The following TKT variants were observed in gnomAD, a reference collection of about 807,000 sequenced individuals.
The protein encoded by TKT is epididymis luminal protein 107.
Under a neutral mutation model 63.9 loss-of-function variants are expected in TKT, and 47 were observed. The observed-to-expected ratio is 0.74, with a 90% CI of 0.58 to 0.94. The LOEUF is 0.94. Ranked by LOEUF, TKT falls within the 40% of genes least tolerant of loss-of-function variation. The pLI is 0.00. For synonymous variants in TKT, 338 were observed against 334.1 expected (o/e 1.01, Z -0.13); for missense variants, 721 against 846.2 (o/e 0.85, Z 1.84).
chr3:53,231,590 C>T (rs1472526691), intron 6 of TKT, 40 bp from the exon 7 acceptor site: 2 of 1,576,154 alleles, frequency 1.3e-6, no homozygotes, highest in Middle Eastern at 1.7e-4. Context: ...ATGGGTAAGA[C>T]AGAAGCTCCC....
chr3:53,243,865 G>A (rs1705392822), intron 1 of TKT, among the ~76,000 whole-genome samples: 1 of 152,238 alleles, frequency 6.6e-6, no homozygotes, highest in African/African-American at 2.4e-5. Context: ...TCCTTGGTGG[G>A]AGAAGGATGT....
At chr3:53,232,196 C>T (rs962973082) in intron 6 of TKT, 18 of 397,026 alleles carry the variant, frequency 4.5e-5, no homozygotes, top group African/African-American at 1.9e-4. Context: ...CCCAGCAGCC[C>T]GAAAGACTAG....
chr3:53,232,876 CCTCA>C (rs1553677487), intron 6 of TKT: 8 of 430,248 alleles, frequency 1.9e-5, no homozygotes, highest in Non-Finnish European at 3.3e-5. Context: ...ACGGGGGCTG[CCTCA>C]CTCCACGACC....
At chr3:53,255,678 G>C (rs1027876035) in intron 1 of TKT, among the ~76,000 whole-genome samples, 158 bp downstream of exon 1, 2 of 152,018 alleles carry the variant, frequency 1.3e-5, no homozygotes, top group East Asian at 1.9e-4. Flanking sequence ...GCAGCCCGGG[G>C]CCCTGCGAGG....
intron 7 of TKT, among the ~76,000 whole-genome samples, chr3:53,231,080 A>T (rs1553676904): frequency 6.6e-6 from 1 of 152,182 alleles, no homozygotes; most frequent in Non-Finnish European, 1.5e-5. Flanking sequence ...CGATGCAAGA[A>T]CTTGGGAGTG....
rs1444040046 is a variant in TKT, at chr3:53,225,700, A to C, written c.*56T>G. On this transcript the variant is annotated 3_prime_UTR_variant, in exon 14 of 14. Transcript: ENST00000462138. Reference sequence around the variant, plus strand: ...CCCTCCTCTCAGTACATCTTTGAGCACCTTTCCCAGAATCTCAGGAATGTA... The same window carrying C: ...CCCTCCTCTCAGTACATCTTTGAGCCCCTTTCCCAGAATCTCAGGAATGTA... 2 of 1,510,484 alleles carry C rather than the reference A, an allele frequency of 1.3e-6. No homozygotes were observed. The highest frequency in any genetic ancestry group is 1.8e-6 in the Non-Finnish European group (2 of 1,117,738). 93.6% of individuals were successfully genotyped at this position (1,510,484 alleles called of 1,614,324 possible). A position where few individuals can be genotyped will look rare whatever the true frequency, so the allele number is the denominator to read the frequency against.
At chr3:53,255,734 T>C (rs1705962378) in intron 1 of TKT, 102 bp downstream of exon 1, 3 of 755,140 alleles carry the variant, frequency 4.0e-6, no homozygotes, top group Non-Finnish European at 5.4e-6. Flanking sequence ...CTTCCTCGTC[T>C]AGGCATCTCG....
intron 1 of TKT, among the ~76,000 whole-genome samples, chr3:53,253,632 C>T (rs891609711): frequency 2.6e-5 from 4 of 152,166 alleles, no homozygotes; most frequent in South Asian, 2.1e-4. Context: ...GGTGCGGTGG[C>T]GGATGCCTGT....
intron 1 of TKT, among the ~76,000 whole-genome samples, chr3:53,245,251 A>G (rs1486156118): frequency 6.7e-6 from 1 of 149,950 alleles, no homozygotes; most frequent in African/African-American, 2.5e-5. Context: ...GGTTGCAGTG[A>G]GCCAAGATTG....
chr3:53,241,048 T>C, intron 3 of TKT, 84 bp downstream of exon 3: 1 of 1,224,876 alleles, frequency 8.2e-7, no homozygotes, highest in Non-Finnish European at 1.1e-6. Context: ...GGCTTCTCAG[T>C]GGGCACCCCC....
intron 7 of TKT, 150 bp from the exon 8 acceptor site, chr3:53,230,771 A>T: frequency 2.1e-6 from 2 of 964,144 alleles, no homozygotes; most frequent in South Asian, 3.4e-5. Context: ...TAACTGCTGA[A>T]AGGTTGCCAA....
chr3:53,228,043 C>G lies in TKT; in HGVS notation c.1573+13G>C. On this transcript the variant is annotated intron_variant, in intron 12 of 13. Coordinates refer to ENST00000462138, the MANE Select transcript of TKT (RefSeq NM_001064.4). ...CCGCTCAGTTGATGACTTTGGAGGC[C>G]CCTTCTCCTCACCTTTCTTCAGCAG... The G allele has an allele frequency of 6.2e-7, 1 of 1,611,756 alleles. No individual in the cohort carries two copies. Among genetic ancestry groups the G allele is most frequent in the Non-Finnish European group, 8.5e-7 (1 of 1,179,522 alleles).
intron 3 of TKT, among the ~76,000 whole-genome samples, chr3:53,240,743 C>A (rs1705237374): frequency 6.6e-6 from 1 of 152,218 alleles, no homozygotes; most frequent in South Asian, 2.1e-4. Context: ...TGCAGGGATG[C>A]CAGATGGCAC....
chr3:53,227,636 A>C, intron 12 of TKT: 1 of 170,532 alleles, frequency 5.9e-6, no homozygotes, highest in African/African-American at 2.4e-5. Flanking sequence ...ATACCAAGTC[A>C]CATGCATGTA....
At chr3:53,251,833 T>TA (rs1363895958) in intron 1 of TKT, among the ~76,000 whole-genome samples, 6 of 150,284 alleles carry the variant, frequency 4.0e-5, no homozygotes, top group South Asian at 2.1e-4. Flanking sequence ...GACCCTGTCT[T>TA]AAAAAAAAAG....
intron 1 of TKT, among the ~76,000 whole-genome samples, chr3:53,244,899 A>C (rs1705440736): frequency 6.6e-6 from 1 of 151,970 alleles, no homozygotes; most frequent in Non-Finnish European, 1.5e-5. Flanking sequence ...AAAAAAAAAA[A>C]AAAACTAACA....
chr3:53,234,670 C>T (rs1704929366), intron 5 of TKT: 1 of 244,094 alleles, frequency 4.1e-6, no homozygotes, highest in Non-Finnish European at 7.9e-6. Flanking sequence ...GAGCAAGCCC[C>T]CATCCCTCAA....
chr3:53,231,631 G>A, intron 6 of TKT, 81 bp from the exon 7 acceptor site: 1 of 1,428,932 alleles, frequency 7.0e-7, no homozygotes, highest in Non-Finnish European at 9.5e-7. Context: ...CAGGAGACTG[G>A]CCCTCTACCT....
At chr3:53,252,704 A>G (rs1346929730) in intron 1 of TKT, among the ~76,000 whole-genome samples, 1 of 152,150 alleles carries the variant, frequency 6.6e-6, no homozygotes, top group Non-Finnish European at 1.5e-5. Flanking sequence ...ACTCTTTTGG[A>G]GCACCCTACA....
Sources: allele counts gnomAD v4.1 joint callset (sites outside exome capture counted in the v4.1 genomes callset), GRCh38; gene constraint gnomAD v4.1.1; transcripts MANE v1.5; gene names NCBI Gene and HGNC (gene_info 2026-07-23, HGNC 2026-07-21).